GRID2: variants seen among roughly 807,000 people sequenced by gnomAD.
GRID2 encodes the protein glutamate receptor ionotropic, delta-2.
GRID2 carries 33 observed loss-of-function variants against 114.8 expected under a neutral mutation model. The ratio of observed to expected loss-of-function variants is 0.29; its 90% CI spans 0.22 to 0.38. The LOEUF is 0.38. Ranked by LOEUF, GRID2 falls within the 10% of genes least tolerant of loss-of-function variation. The pLI is 1.00. For synonymous variants in GRID2, 505 were observed against 449.9 expected (o/e 1.12, Z -1.55); for missense variants, 1,184 against 1,257.7 (o/e 0.94, Z 0.89).
chr4:93,344,886 A>G (rs1202487874), intron 8 of GRID2, among the ~76,000 whole-genome samples: 1 of 151,688 alleles, frequency 6.6e-6, no homozygotes, highest in Non-Finnish European at 1.5e-5. Flanking sequence ...TTGTCTTTCT[A>G]TGCCTAGCTT....
intron 1 of GRID2, among the ~76,000 whole-genome samples, chr4:92,550,775 G>A (rs1726545626): frequency 6.6e-6 from 1 of 152,078 alleles, no homozygotes; most frequent in African/African-American, 2.4e-5. Flanking sequence ...TGCAAAGTCT[G>A]AAAATCAAAA....
chr4:92,948,054 A>C (rs1751768017), intron 2 of GRID2, among the ~76,000 whole-genome samples: 1 of 151,900 alleles, frequency 6.6e-6, no homozygotes, highest in Non-Finnish European at 1.5e-5. Context: ...GTTTTCTAAG[A>C]GGGAAATTGC....
chr4:92,617,582 G>C (rs1190768023), intron 2 of GRID2, among the ~76,000 whole-genome samples: 1 of 151,598 alleles, frequency 6.6e-6, no homozygotes, highest in Non-Finnish European at 1.5e-5. Flanking sequence ...AATGTATTGT[G>C]TACCACATTT....
At position 92,723,478 on chromosome 4, in the gene GRID2, ATTAC is replaced by A. The variant is rs145795648; in HGVS notation, c.244+133196_244+133199del. The stretch of plus-strand genomic sequence containing the variant: ...AAAAAAAGGTAGTTTTCTTTGAATC[ATTAC>A]TTAAATATCTATCTTGCCTACAGCT... On this transcript the variant is annotated intron_variant, in intron 2 of 15. Transcript: ENST00000282020. Among the ~76,000 whole-genome samples, 209 of 152,304 alleles carry A rather than the reference ATTAC, an allele frequency of 1.4e-3. 4 individuals are homozygous for A. The East Asian group carries it at 0.038, about 27-fold the overall frequency.
intron 1 of GRID2, among the ~76,000 whole-genome samples, chr4:92,521,074 G>C (rs1313303467): frequency 6.6e-6 from 1 of 151,684 alleles, no homozygotes; most frequent in Non-Finnish European, 1.5e-5. Flanking sequence ...AATATTTTTA[G>C]AACAAAAACT....
intron 13 of GRID2, among the ~76,000 whole-genome samples, chr4:93,560,831 T>G (rs922384628): frequency 1.3e-5 from 2 of 152,162 alleles, no homozygotes; most frequent in Non-Finnish European, 2.9e-5. Context: ...TGCAATAAAA[T>G]TGTTTTCTTT....
intron 2 of GRID2, among the ~76,000 whole-genome samples, chr4:92,887,320 G>A (rs1444540355): frequency 6.6e-6 from 1 of 152,180 alleles, no homozygotes; most frequent in Non-Finnish European, 1.5e-5. Flanking sequence ...GGTGCCTGGT[G>A]ACTAGAAAAG....
intron 14 of GRID2, among the ~76,000 whole-genome samples, chr4:93,742,017 G>C (rs1470986384): frequency 6.6e-6 from 1 of 151,820 alleles, no homozygotes; most frequent in African/African-American, 2.4e-5. Flanking sequence ...GCCAAATCTA[G>C]GAAATAGGTT....
Position 93,610,642 on chromosome 4 carries a change from C to T in GRID2, c.2194-15627C>T, listed in dbSNP as rs1225563131. 9.9e-5 allele frequency among the ~76,000 whole-genome samples: 3 copies of T among 30,448 alleles called. No homozygotes were observed. The East Asian group carries it at 2.0e-3, about 21-fold the overall frequency. 20.0% of individuals were successfully genotyped at this position (30,448 alleles called of 152,430 possible). A position where few individuals can be genotyped will look rare whatever the true frequency, so the allele number is the denominator to read the frequency against. On this transcript the variant is annotated intron_variant, in intron 13 of 15. Transcript: ENST00000282020. The stretch of plus-strand genomic sequence containing the variant: ...TATTGATTTGCGTATATTGAACCAG[C>T]CTTGCATCCCAGGGATGAAGCCCAC...
At chr4:92,796,576 AATGTTCT>A (rs1739886542) in intron 2 of GRID2, among the ~76,000 whole-genome samples, 1 of 151,852 alleles carries the variant, frequency 6.6e-6, no homozygotes, top group Non-Finnish European at 1.5e-5. Context: ...CTTACTAATA[AATGTTCT>A]TTTTCAGAAT....
At chr4:93,038,282 T>C (rs1006843656) in intron 2 of GRID2, among the ~76,000 whole-genome samples, 1 of 152,116 alleles carries the variant, frequency 6.6e-6, no homozygotes, top group Non-Finnish European at 1.5e-5. Context: ...TGTATAGGAA[T>C]GCATGTGATT....
At chr4:93,527,196 C>T (rs1488516269) in intron 13 of GRID2, among the ~76,000 whole-genome samples, 1 of 152,134 alleles carries the variant, frequency 6.6e-6, no homozygotes, top group East Asian at 1.9e-4. Flanking sequence ...GCATATCTTT[C>T]TGTTTTTATG....
At chr4:92,382,328 G>T (rs1429977115) in intron 1 of GRID2, among the ~76,000 whole-genome samples, 3 of 152,022 alleles carry the variant, frequency 2.0e-5, no homozygotes, top group Non-Finnish European at 4.4e-5. Flanking sequence ...TTGGATAGCT[G>T]CATAGCAACA....
At chr4:93,017,137 A>T (rs1261983449) in intron 2 of GRID2, among the ~76,000 whole-genome samples, 2 of 152,184 alleles carry the variant, frequency 1.3e-5, no homozygotes, top group African/African-American at 4.8e-5. Context: ...TTTCAAAGGT[A>T]ATATTTTGTT....
chr4:93,626,377 C>A lies in GRID2; in HGVS notation c.2302C>A (p.Arg768=), dbSNP rs748395803. ...FYTIGNTVAD[R]GYGIALQHGS... The stretch of plus-strand genomic sequence containing the variant: ...CACCATTGGAAATACTGTTGCTGAT[C>A]GGGGATATGGAATTGCATTACAACA... Residue 768 remains arginine (R), a synonymous_variant, in exon 14 of 16, where the codon CGG becomes AGG. Coordinates refer to ENST00000282020, the MANE Select transcript of GRID2 (RefSeq NM_001510.4). 1.9e-6 allele frequency: 3 copies of A among 1,610,656 alleles called. No homozygotes were observed. Among genetic ancestry groups the A allele is most frequent in the Non-Finnish European group, 2.5e-6 (3 of 1,177,334 alleles).
At chr4:93,555,743 C>A (rs753271634) in intron 13 of GRID2, among the ~76,000 whole-genome samples, 1 of 152,184 alleles carries the variant, frequency 6.6e-6, no homozygotes, top group South Asian at 2.1e-4. Context: ...CCCAGCACAG[C>A]GCTCGAGCTC....
At chr4:92,309,782 A>C (rs1383894970) in intron 1 of GRID2, among the ~76,000 whole-genome samples, 3 of 151,980 alleles carry the variant, frequency 2.0e-5, no homozygotes, top group African/African-American at 7.2e-5. Context: ...ATAGGAGAGA[A>C]ATATCTTCTT....
At chr4:93,726,790 T>C (rs573636800) in intron 14 of GRID2, among the ~76,000 whole-genome samples, 119 of 152,328 alleles carry the variant, frequency 7.8e-4, no homozygotes, top group African/African-American at 2.7e-3. Flanking sequence ...TCTGTTTGTC[T>C]GTTATTGGTG....
chr4:93,126,581 A>G (rs1238197623), intron 4 of GRID2, among the ~76,000 whole-genome samples: 1 of 76,572 alleles, frequency 1.3e-5, no homozygotes, highest in Non-Finnish European at 2.7e-5. Context: ...TAACTATTTA[A>G]TTCTTTTTTT....
Sources: gnomAD v4.1 joint callset for allele counts (sites outside exome capture counted in the v4.1 genomes callset) on GRCh38, gnomAD v4.1.1 for gene constraint, MANE v1.5 for transcripts, NCBI Gene and HGNC (gene_info 2026-07-23, HGNC 2026-07-21) for gene names.